SLC26A5: variants seen among roughly 807,000 people sequenced by gnomAD.
SLC26A5 encodes the protein solute carrier family 26 member 5.
A neutral mutation model predicts 81.0 loss-of-function variants in SLC26A5; 51 were observed. That is an observed-to-expected ratio of 0.63 (90% CI 0.50 to 0.80). The LOEUF is 0.80. Ranked by LOEUF, SLC26A5 falls within the 30% of genes least tolerant of loss-of-function variation. SLC26A5 has a pLI of 0.00. For missense variants in SLC26A5, 771 were observed against 905.8 expected, an observed-to-expected ratio of 0.85 and a Z score of 1.91; for synonymous variants, 325 against 332.8, an observed-to-expected ratio of 0.98 and a Z score of 0.25.
chr7:103,398,843 A>AC (rs1823356155), intron 8 of SLC26A5, among the ~76,000 whole-genome samples: 1 of 152,054 alleles, frequency 6.6e-6, no homozygotes, highest in African/African-American at 2.4e-5. Context: ...AGCCTGGGAG[A>AC]CCAGGGGCAT....
chr7:103,369,426 C>T (rs990489551), downstream of SLC26A5: 1 of 152,200 alleles, frequency 6.6e-6, no homozygotes, highest in African/African-American at 2.4e-5. Flanking sequence ...GTCATGGCCA[C>T]GTGCTCATAT....
intron 19 of SLC26A5, among the ~76,000 whole-genome samples, chr7:103,364,637 G>C (rs1820595387): frequency 6.6e-6 from 1 of 151,948 alleles, no homozygotes; most frequent in African/African-American, 2.4e-5. Context: ...CAAACTCCTG[G>C]GCTCAAGTGA....
chr7:103,380,659 G>A, intron 14 of SLC26A5, 110 bp from the exon 15 acceptor site: 1 of 938,210 alleles, frequency 1.1e-6, no homozygotes, highest in African/African-American at 1.6e-5. Flanking sequence ...ATTTGGGAAT[G>A]CTTGATCCTT....
intron 15 of SLC26A5, among the ~76,000 whole-genome samples, chr7:103,379,613 G>A (rs1047485527): frequency 3.9e-5 from 6 of 151,916 alleles, no homozygotes; most frequent in East Asian, 1.9e-4. Flanking sequence ...GTCAGTCTTC[G>A]TTTTATTTTT....
chr7:103,445,480 G>C (rs1205510158), intron 1 of SLC26A5: 2 of 152,298 alleles, frequency 1.3e-5, no homozygotes, highest in Non-Finnish European at 2.9e-5. Flanking sequence ...GGATTTCCCG[G>C]GAGGGGGCCA....
chr7:103,362,164 G>A, intron 19 of SLC26A5: 6 of 1,583,840 alleles, frequency 3.8e-6, no homozygotes, highest in African/African-American at 1.4e-5. Context: ...TGGCTTTGTA[G>A]TGAATAAATG....
Position 103,367,669 on chromosome 7 carries a change from T to C in SLC26A5, c.2041+9139A>G. 1 of 1,608,884 alleles carries C rather than the reference T, an allele frequency of 6.2e-7. No homozygotes were observed. Among genetic ancestry groups the C allele is most frequent in the African/African-American group, 1.3e-5 (1 of 74,660 alleles). On this transcript the variant is annotated intron_variant, in intron 19 of 19. Transcript: ENST00000339444. The surrounding 1 kb of genome is among the most constrained non-coding windows in gnomAD (Gnocchi z 6.1). ...GGATTTTTGAAGTTTTTTCTTCCTG[T>C]GATTTTTTTCCATTTTAATATTTGT...
At chr7:103,442,498 T>C (rs1826957269) in intron 2 of SLC26A5, among the ~76,000 whole-genome samples, 1 of 152,140 alleles carries the variant, frequency 6.6e-6, no homozygotes, top group Non-Finnish European at 1.5e-5. Flanking sequence ...GGACAGGTCT[T>C]TTTCAAAATC....
In SLC26A5 at chr7:103,367,192, A is replaced by G. The variant is rs1257191790; in HGVS notation, c.2041+9616T>C. ...CTAAACTGCCCCATAGGCAGTTTAA[A>G]AAACGTTAAGTAAATCTGTGATGAA... On this transcript the variant is annotated intron_variant, in intron 19 of 19. Coordinates refer to the SLC26A5 transcript ENST00000339444. The surrounding 1 kb of genome is among the most constrained non-coding windows in gnomAD (Gnocchi z 6.1). Among the ~76,000 whole-genome samples the G allele has an allele frequency of 6.6e-6, 1 of 152,198 alleles. No homozygotes were observed. Among genetic ancestry groups the G allele is most frequent in the Non-Finnish European group, 1.5e-5 (1 of 68,044 alleles).
At chr7:103,380,573 C>T in intron 14 of SLC26A5, 24 bp from the exon 15 acceptor site, 2 of 1,604,780 alleles carry the variant, frequency 1.2e-6, no homozygotes, top group Non-Finnish European at 1.7e-6. Flanking sequence ...GTGTTAAATA[C>T]CATTGTGTTG....
At chr7:103,390,827 G>T (rs1822580298) in intron 11 of SLC26A5, among the ~76,000 whole-genome samples, 1 of 150,860 alleles carries the variant, frequency 6.6e-6, no homozygotes, top group Non-Finnish European at 1.5e-5. Flanking sequence ...AGTGTCTGCT[G>T]TCCAATATGG....
chr7:103,381,889 C>T (rs1277579449), intron 14 of SLC26A5, among the ~76,000 whole-genome samples: 2 of 151,070 alleles, frequency 1.3e-5, no homozygotes, highest in Non-Finnish European at 3.0e-5. Flanking sequence ...CATACATACA[C>T]ATCACACACA....
intron 18 of SLC26A5, among the ~76,000 whole-genome samples, 178 bp downstream of exon 18, chr7:103,377,421 T>C (rs1821432796): frequency 6.6e-6 from 1 of 152,216 alleles, no homozygotes; most frequent in Non-Finnish European, 1.5e-5. Flanking sequence ...AGCTGAGTGA[T>C]AGTTCACGGG....
chr7:103,372,482 C>A (rs1013963072), downstream of SLC26A5, among the ~76,000 whole-genome samples: 25 of 152,288 alleles, frequency 1.6e-4, no homozygotes, highest in African/African-American at 6.0e-4. Flanking sequence ...TTGGCTAATG[C>A]CTGTGCTTTG....
intron 2 of SLC26A5, among the ~76,000 whole-genome samples, chr7:103,427,048 G>C (rs1825751889): frequency 6.6e-6 from 1 of 151,810 alleles, no homozygotes; most frequent in South Asian, 2.1e-4. Context: ...GGAATTTGAA[G>C]GTAACTTAGA....
At chr7:103,402,763 T>G (rs1467365370) in intron 8 of SLC26A5, among the ~76,000 whole-genome samples, 3 of 152,192 alleles carry the variant, frequency 2.0e-5, no homozygotes, top group Non-Finnish European at 4.4e-5. Flanking sequence ...TGTGCCTATT[T>G]GATTCTTCTT....
chr7:103,373,093 C>T (rs771793476), downstream of SLC26A5, among the ~76,000 whole-genome samples: 1 of 152,100 alleles, frequency 6.6e-6, no homozygotes, highest in African/African-American at 2.4e-5. Flanking sequence ...ACTAGACAAC[C>T]AACTCACAAA....
intron 4 of SLC26A5, 139 bp from the exon 5 acceptor site, chr7:103,413,251 C>G (rs1824651074): frequency 1.5e-6 from 1 of 688,826 alleles, no homozygotes; most frequent in Admixed American, 2.0e-5. Context: ...CTACCCCAGT[C>G]CTGCACATCA....
intron 2 of SLC26A5, among the ~76,000 whole-genome samples, chr7:103,428,446 A>G (rs1825845555): frequency 6.6e-6 from 1 of 152,136 alleles, no homozygotes; most frequent in Admixed American, 6.5e-5. Flanking sequence ...ATACAAGTTG[A>G]TAAGTTTGGA....
Sources: allele counts gnomAD v4.1 joint callset (sites outside exome capture counted in the v4.1 genomes callset), GRCh38; gene constraint gnomAD v4.1.1; non-coding constraint Gnocchi (gnomAD v3.1); transcripts MANE v1.5; gene names NCBI Gene and HGNC (gene_info 2026-07-23, HGNC 2026-07-21).